FERMT2: variants seen among roughly 807,000 people sequenced by gnomAD.
FERMT2 encodes FERM domain containing kindlin 2.
A neutral mutation model predicts 82.7 loss-of-function variants in FERMT2; 15 were observed. That is an observed-to-expected ratio of 0.18 (90% confidence interval 0.12 to 0.28). The LOEUF (loss-of-function observed/expected upper bound fraction) is 0.28. FERMT2 is among the 10% of genes least tolerant of loss of function. The pLI is 1.00. For missense variants in FERMT2, 645 were observed against 809.4 expected, an observed-to-expected ratio of 0.80 and a Z score of 2.46; for synonymous variants, 274 against 271.5, an observed-to-expected ratio of 1.01 and a Z score of -0.09.
chr14:52,881,853 TC>T, intron 4 of FERMT2: 1 of 1,191,098 alleles, frequency 8.4e-7, no homozygotes, highest in Non-Finnish European at 1.1e-6. Flanking sequence ...AGAAAGGAAT[TC>T]AGAAGGTAAA....
chr14:52,874,251 T>A (rs780985112), intron 8 of FERMT2, 25 bp from the exon 9 acceptor site: 4 of 1,483,166 alleles, frequency 2.7e-6, no homozygotes, highest in Admixed American at 2.1e-5. Context: ...AATCCTTTTT[T>A]AATTTTTTTA....
chr14:52,948,633 T>C (rs189758937), intron 2 of FERMT2: 18 of 450,068 alleles, frequency 4.0e-5, no homozygotes, highest in Admixed American at 3.7e-4. Flanking sequence ...ATTATAGTCA[T>C]TTAAATTAAC....
chr14:52,925,202 G>T (rs978472776), intron 2 of FERMT2, among the ~76,000 whole-genome samples: 2 of 152,068 alleles, frequency 1.3e-5, no homozygotes, highest in African/African-American at 4.8e-5. Flanking sequence ...AAAAATGATG[G>T]TACACCAACT....
intron 2 of FERMT2, among the ~76,000 whole-genome samples, chr14:52,944,504 C>T (rs754320549): frequency 2.4e-4 from 37 of 152,170 alleles, no homozygotes; most frequent in Non-Finnish European, 5.0e-4. Flanking sequence ...TGCCTCTTTC[C>T]CAGTGTGCAT....
Position 52,860,394 on chromosome 14 carries a change from A to G in FERMT2, c.1674T>C (p.Phe558=). The G allele has an allele frequency of 6.2e-7, 1 of 1,613,636 alleles. No individual in the cohort carries two copies. The change falls in exon 13 of 15, where the codon TTT becomes TTC. Residue 558 remains phenylalanine (F), a synonymous_variant. Transcript: ENST00000341590. ...CAGGTAGTGACTGCCAAGCTTGAATAAATCTCATCTTGGCTTCAATTAGAC... is the reference window on the plus strand; with the variant it reads ...CAGGTAGTGACTGCCAAGCTTGAATGAATCTCATCTTGGCTTCAATTAGAC... ...QMSLIEAKMR[F]IQAWQSLPEF... is the part of the protein sequence containing the mutation.
Position 52,858,244 on chromosome 14 carries a change from G to T in FERMT2, c.*133C>A. 1 of 714,262 alleles carries T rather than the reference G, an allele frequency of 1.4e-6. No homozygotes were observed. The highest frequency in any genetic ancestry group is 2.4e-6 in the Non-Finnish European group (1 of 424,514). 44.2% of individuals were successfully genotyped at this position (714,262 alleles called of 1,614,324 possible). A position where few individuals can be genotyped will look rare whatever the true frequency, so the allele number is the denominator to read the frequency against. On this transcript the variant is annotated 3_prime_UTR_variant, in exon 15 of 15. Transcript: ENST00000341590. The stretch of plus-strand genomic sequence containing the variant: ...GCTTGTTTAGTGCACATATTAACTG[G>T]TCTGGTAAGGCAAAGAAGTTTTCAT...
At chr14:52,943,760 G>A (rs1238871958) in intron 2 of FERMT2, among the ~76,000 whole-genome samples, 1 of 152,224 alleles carries the variant, frequency 6.6e-6, no homozygotes, top group Non-Finnish European at 1.5e-5. Flanking sequence ...CTGGTGTCTA[G>A]ATGAAGATTA....
intron 9 of FERMT2, chr14:52,873,771 T>A (rs1261404741): frequency 6.4e-6 from 1 of 156,940 alleles, no homozygotes; most frequent in Non-Finnish European, 1.4e-5. Context: ...GAACTTTACA[T>A]AAAATGTTCC....
chr14:52,947,347 C>T (rs1303639545), intron 2 of FERMT2, among the ~76,000 whole-genome samples: 2 of 152,002 alleles, frequency 1.3e-5, no homozygotes, highest in African/African-American at 2.4e-5. Context: ...GGCATGGTGG[C>T]GGGTGTCTGT....
chr14:52,902,404 C>CAA (rs66918916), intron 3 of FERMT2, among the ~76,000 whole-genome samples: 29 of 146,568 alleles, frequency 2.0e-4, no homozygotes, highest in East Asian at 6.0e-4. Context: ...AAAACAAAAA[C>CAA]AAAAAAAAAA....
At chr14:52,913,205 C>A (rs1888423187) in intron 3 of FERMT2, among the ~76,000 whole-genome samples, 1 of 152,118 alleles carries the variant, frequency 6.6e-6, no homozygotes, top group African/African-American at 2.4e-5. Context: ...CTGAGTATAT[C>A]TTTAGGTGGA....
At chr14:52,870,106 G>A (rs945312801) in intron 10 of FERMT2, among the ~76,000 whole-genome samples, 3 of 152,152 alleles carry the variant, frequency 2.0e-5, no homozygotes, top group African/African-American at 7.2e-5. Flanking sequence ...GCAAAGGTTT[G>A]AAGAAAGAAA....
intron 3 of FERMT2, among the ~76,000 whole-genome samples, chr14:52,914,514 C>T (rs919433143): frequency 1.3e-5 from 2 of 152,124 alleles, no homozygotes; most frequent in African/African-American, 4.8e-5. Context: ...TTATGCAATA[C>T]TGTACTAGAG....
Position 52,919,344 on chromosome 14 carries a change from T to C in FERMT2, c.170A>G (p.Asp57Gly). 1 of 1,594,908 alleles carries C rather than the reference T, an allele frequency of 6.3e-7. No individual in the cohort carries two copies. Among genetic ancestry groups the C allele is most frequent in the Non-Finnish European group, 8.5e-7 (1 of 1,170,590 alleles). Reference protein sequence around the residue: ...KLVEKLDVKKDWSDHALWWEK... With the variant: ...KLVEKLDVKKGWSDHALWWEK... ...CCACCAGAGAGCATGGTCAGACCAATCTTTTTTTACATCTATAAAAAACAA... is the reference window on the plus strand; with the variant it reads ...CCACCAGAGAGCATGGTCAGACCAACCTTTTTTTACATCTATAAAAAACAA... The change falls in exon 3 of 15, where the codon GAT becomes GGT. Residue 57 changes from aspartate to glycine, a missense_variant. Coordinates refer to ENST00000341590, the MANE Select transcript of FERMT2 (RefSeq NM_006832.3).
chr14:52,913,680 C>CAGTAGT lies in FERMT2; in HGVS notation c.391+5437_391+5442dup, dbSNP rs60319673. On this transcript the variant is annotated intron_variant, in intron 3 of 14. Coordinates refer to ENST00000341590, the MANE Select transcript of FERMT2 (RefSeq NM_006832.3). ...AAGTTCAATGCCATGCAGCCAAAAA[C>CAGTAGT]AGTAGTAGTAGTAGTAGTAGTAGTA... Among the ~76,000 whole-genome samples, 1,088 of 147,840 alleles carry CAGTAGT rather than the reference C, an allele frequency of 7.4e-3. 14 individuals are homozygous for CAGTAGT. Among genetic ancestry groups the CAGTAGT allele is most frequent in the African/African-American group, 0.022 (885 of 40,014 alleles).
chr14:52,931,814 G>C (rs541459408), intron 2 of FERMT2, among the ~76,000 whole-genome samples: 1 of 152,190 alleles, frequency 6.6e-6, no homozygotes, highest in Non-Finnish European at 1.5e-5. Context: ...CGGATCACCA[G>C]GTCAGGAGAT....
intron 6 of FERMT2, 138 bp downstream of exon 6, chr14:52,880,898 A>C (rs1345705498): frequency 8.9e-6 from 5 of 562,256 alleles, no homozygotes; most frequent in Middle Eastern, 4.4e-4. Flanking sequence ...TTTGCCTAAA[A>C]GTTTGGGTTT....
Position 52,877,574 on chromosome 14 carries a change from C to CTTTTTTTTT in FERMT2, c.963+999_963+1007dup, listed in dbSNP as rs34676786. On this transcript the variant is annotated intron_variant, in intron 7 of 14. Transcript: ENST00000341590. ...CTAAGGTGAAAATTAGCTGTTCTTG[C>CTTTTTTTTT]TTTTTTTTTTTTTTTTTTTTTTTTG... Among the ~76,000 whole-genome samples, 298 of 67,054 alleles carry CTTTTTTTTT rather than the reference C, an allele frequency of 4.4e-3. 55 individuals carry two copies. The highest frequency in any genetic ancestry group is 9.8e-3 in the East Asian group (16 of 1,638). The allele number at this position is 67,054 out of a possible 152,430, so 44.0% of individuals were successfully genotyped here.
intron 3 of FERMT2, among the ~76,000 whole-genome samples, chr14:52,911,511 C>T (rs1452366884): frequency 6.6e-6 from 1 of 152,002 alleles, no homozygotes; most frequent in Non-Finnish European, 1.5e-5. Context: ...ATTAGCTGGG[C>T]GTGGTGGCGA....
Sources: allele counts gnomAD v4.1 joint callset (sites outside exome capture counted in the v4.1 genomes callset), GRCh38; gene constraint gnomAD v4.1.1; transcripts MANE v1.5; gene names NCBI Gene and HGNC (gene_info 2026-07-23, HGNC 2026-07-21).